Variants in TBPL2 observed in about 807,000 individuals in gnomAD.
TBPL2 encodes the protein TATA box-binding protein-like 2.
A neutral mutation model predicts 38.2 loss-of-function variants in TBPL2; 40 were observed. The observed-to-expected ratio is 1.05, with a 90% CI of 0.81 to 1.36. The LOEUF is 1.36. Among genes scored for constraint, TBPL2 ranks in the 40% most tolerant of loss-of-function variants. The pLI is 0.00. For missense variants in TBPL2, 461 were observed against 456.7 expected, an observed-to-expected ratio of 1.01 and a Z score of -0.09; for synonymous variants, 169 against 171.7, an observed-to-expected ratio of 0.98 and a Z score of 0.12.
chr14:55,437,070 G>A (rs763390437), intron 1 of TBPL2, 52 bp from the exon 2 acceptor site: 1 of 1,514,628 alleles, frequency 6.6e-7, no homozygotes. Flanking sequence ...AGAACAGCAT[G>A]TTACACAAAA....
intron 4 of TBPL2, 30 bp from the exon 5 acceptor site, chr14:55,429,004 T>A: frequency 6.2e-7 from 1 of 1,611,376 alleles, no homozygotes; most frequent in Non-Finnish European, 8.5e-7. Flanking sequence ...TTTAAAGATG[T>A]CTTAATCGCT....
intron 5 of TBPL2, 138 bp downstream of exon 5, chr14:55,428,669 C>G (rs975244195): frequency 2.2e-6 from 2 of 917,424 alleles, no homozygotes; most frequent in African/African-American, 3.4e-5. Context: ...GGCATAGCAT[C>G]TTAATCTTTT....
chr14:55,428,944 T>C (rs1276095134), exon 5 of TBPL2: 2 of 1,614,136 alleles, frequency 1.2e-6, no homozygotes, highest in African/African-American at 2.7e-5. Context: ...CACGAGCATA[T>C]TTTCTTGCTG....
intron 6 of TBPL2, among the ~76,000 whole-genome samples, chr14:55,415,180 AT>A (rs1237813947): frequency 1.3e-5 from 2 of 152,104 alleles, no homozygotes; most frequent in Non-Finnish European, 2.9e-5. Context: ...TACTACTTAT[AT>A]TTATATGGAG....
At chr14:55,414,253 G>A (rs1885635453) in exon 7 of TBPL2, 1 of 694,834 alleles carries the variant, frequency 1.4e-6, no homozygotes, top group Admixed American at 2.8e-5. Context: ...TACTTACACA[G>A]AGTCGCCCTT....
intron 5 of TBPL2, among the ~76,000 whole-genome samples, chr14:55,426,650 G>A (rs1885829276): frequency 6.6e-6 from 1 of 151,976 alleles, no homozygotes; most frequent in Admixed American, 6.6e-5. Flanking sequence ...GGATGAGGGG[G>A]AGGCAAGAAT....
chr14:55,428,698 C>T (rs1885872264), intron 5 of TBPL2, 109 bp downstream of exon 5: 15 of 976,578 alleles, frequency 1.5e-5, no homozygotes, highest in Middle Eastern at 3.7e-4. Context: ...TGTCCCCCGC[C>T]TTTTTTTTTT....
chr14:55,438,002 A>G (rs1029910641), intron 1 of TBPL2, among the ~76,000 whole-genome samples: 1 of 152,240 alleles, frequency 6.6e-6, no homozygotes, highest in Non-Finnish European at 1.5e-5. Flanking sequence ...TGTGCACCTG[A>G]GGAAAGCAAC....
intron 4 of TBPL2, among the ~76,000 whole-genome samples, chr14:55,430,588 G>T (rs749439794): frequency 6.6e-6 from 1 of 151,952 alleles, no homozygotes. Context: ...TAGAGACAGG[G>T]TCTTGCTGTC....
At chr14:55,437,670 G>A (rs1182250695) in intron 1 of TBPL2, among the ~76,000 whole-genome samples, 1 of 152,236 alleles carries the variant, frequency 6.6e-6, no homozygotes, top group Non-Finnish European at 1.5e-5. Context: ...ATACTTTGAA[G>A]AGAACAGATA....
At chr14:55,417,662 A>G (rs1387164507) in intron 6 of TBPL2, among the ~76,000 whole-genome samples, 1 of 152,048 alleles carries the variant, frequency 6.6e-6, no homozygotes, top group African/African-American at 2.4e-5. Context: ...GGGTCTCGCT[A>G]TGTTGCCCAG....
At chr14:55,424,808 A>C (rs1278441036) in intron 5 of TBPL2, among the ~76,000 whole-genome samples, 1 of 152,166 alleles carries the variant, frequency 6.6e-6, no homozygotes, top group Non-Finnish European at 1.5e-5. Flanking sequence ...AGTAACTCAT[A>C]TTTACTACTA....
chr14:55,414,986 G>A (rs1472357953), intron 6 of TBPL2, among the ~76,000 whole-genome samples: 1 of 152,200 alleles, frequency 6.6e-6, no homozygotes, highest in Non-Finnish European at 1.5e-5. Flanking sequence ...CACTCGTAAA[G>A]TCTTGTTTCA....
intron 6 of TBPL2, among the ~76,000 whole-genome samples, chr14:55,418,092 C>T (rs188070766): frequency 2.0e-3 from 308 of 152,246 alleles, no homozygotes; most frequent in African/African-American, 6.6e-3. Flanking sequence ...AATATACTTC[C>T]AGCTTAGGGA....
intron 6 of TBPL2, among the ~76,000 whole-genome samples, chr14:55,423,322 T>C (rs536029992): frequency 1.3e-5 from 2 of 152,386 alleles, no homozygotes; most frequent in South Asian, 4.1e-4. Context: ...CTATGTCATA[T>C]ATCCCTTTAA....
chr14:55,439,509 G>A (rs1445098350), intron 1 of TBPL2, among the ~76,000 whole-genome samples: 1 of 151,384 alleles, frequency 6.6e-6, no homozygotes, highest in Non-Finnish European at 1.5e-5. Context: ...CAGGCGGGGG[G>A]CCAGGAGTGG....
At chr14:55,428,233 C>T (rs1028530110) in intron 5 of TBPL2, among the ~76,000 whole-genome samples, 1 of 143,654 alleles carries the variant, frequency 7.0e-6, no homozygotes, top group African/African-American at 2.6e-5. Flanking sequence ...GGGTTCTGGC[C>T]ATTCTTCTGC....
In TBPL2 at chr14:55,440,555, T is replaced by TG. The variant is rs772697526; in HGVS notation, c.-11dup. The TG allele has an allele frequency of 2.8e-5, 45 of 1,583,302 alleles. No homozygotes were observed. The East Asian group carries it at 4.7e-4, about 17-fold the overall frequency. The stretch of plus-strand genomic sequence containing the variant: ...AGGGCGCAGAGGCCATTTATGAGCC[T>TG]GGGGGCAGCGAGGCGGGGCGGCCCT... On this transcript the variant is annotated 5_prime_UTR_variant, in exon 1 of 7. Transcript: ENST00000247219.
intron 1 of TBPL2, among the ~76,000 whole-genome samples, chr14:55,438,458 A>C (rs1886051063): frequency 6.6e-6 from 1 of 152,120 alleles, no homozygotes; most frequent in African/African-American, 2.4e-5. Context: ...ATGGGCCCCA[A>C]TTCCACTGCA....
Sources: allele counts gnomAD v4.1 joint callset (sites outside exome capture counted in the v4.1 genomes callset), GRCh38; gene constraint gnomAD v4.1.1; transcripts MANE v1.5; gene names NCBI Gene and HGNC (gene_info 2026-07-23, HGNC 2026-07-21).